Variants in ABTB3 observed in about 807,000 individuals in gnomAD.
The protein encoded by ABTB3 is ankyrin repeat and BTB domain containing 3.
chr12:107,511,104 C>A, the ABTB3 span, among the ~76,000 whole-genome samples: 1 of 152,122 alleles, frequency 6.6e-6, no homozygotes, highest in East Asian at 1.9e-4. Context: ...CCAGGAGAGT[C>A]ATTTTATTAT....
the ABTB3 span, among the ~76,000 whole-genome samples, chr12:107,455,862 G>A: frequency 2.6e-5 from 4 of 152,090 alleles, no homozygotes; most frequent in Non-Finnish European, 4.4e-5. Flanking sequence ...AGGCCTATTC[G>A]CATGGCCATG....
the ABTB3 span, among the ~76,000 whole-genome samples, chr12:107,361,039 C>G: frequency 2.9e-4 from 42 of 143,484 alleles, no homozygotes; most frequent in Non-Finnish European, 1.0e-4. Flanking sequence ...CCCAAAGCAG[C>G]ACTTTAGGAG....
chr12:107,407,500 G>T, the ABTB3 span, among the ~76,000 whole-genome samples: 1 of 152,184 alleles, frequency 6.6e-6, no homozygotes. Context: ...CAGCTACCAG[G>T]GGACACGCTT....
At chr12:107,451,190 T>C in the ABTB3 span, among the ~76,000 whole-genome samples, 4 of 152,052 alleles carry the variant, frequency 2.6e-5, no homozygotes, top group Non-Finnish European at 5.9e-5. Context: ...AGAGGATGGA[T>C]TTTCTTACTC....
the ABTB3 span, among the ~76,000 whole-genome samples, chr12:107,390,130 C>G: frequency 6.6e-6 from 1 of 152,106 alleles, no homozygotes; most frequent in African/African-American, 2.4e-5. Flanking sequence ...GAGGGGTGGT[C>G]CATTTGGGAC....
At chr12:107,368,175 G>T in the ABTB3 span, among the ~76,000 whole-genome samples, 1 of 152,138 alleles carries the variant, frequency 6.6e-6, no homozygotes, top group African/African-American at 2.4e-5. Context: ...TATCCATCCC[G>T]TTAATAAGAG....
At chr12:107,500,736 C>T in the ABTB3 span, among the ~76,000 whole-genome samples, 2 of 152,142 alleles carry the variant, frequency 1.3e-5, no homozygotes, top group African/African-American at 4.8e-5. Context: ...CTGCAGGCAA[C>T]AAGCAGACCC....
the ABTB3 span, chr12:107,319,969 G>T: frequency 1.3e-6 from 2 of 1,580,214 alleles, no homozygotes; most frequent in Non-Finnish European, 1.7e-6. Flanking sequence ...TCCACGAGGC[G>T]CCCAAGTTCA....
At chr12:107,361,439 C>G in the ABTB3 span, among the ~76,000 whole-genome samples, 48 of 152,288 alleles carry the variant, frequency 3.2e-4, no homozygotes, top group African/African-American at 1.2e-3. Flanking sequence ...TTCTGTAATA[C>G]TGGACATTTA....
chr12:107,475,376 A>C, the ABTB3 span, among the ~76,000 whole-genome samples: 1 of 152,244 alleles, frequency 6.6e-6, no homozygotes, highest in Non-Finnish European at 1.5e-5. Flanking sequence ...GAGATGCTGC[A>C]CACAGCTCAG....
At chr12:107,388,825 G>A in the ABTB3 span, among the ~76,000 whole-genome samples, 1 of 152,234 alleles carries the variant, frequency 6.6e-6, no homozygotes, top group African/African-American at 2.4e-5. Context: ...GCTCAAAGAC[G>A]AATAATGAAC....
the ABTB3 span, among the ~76,000 whole-genome samples, chr12:107,354,494 T>C: frequency 6.6e-6 from 1 of 152,234 alleles, no homozygotes; most frequent in Non-Finnish European, 1.5e-5. Context: ...AATGGAATCA[T>C]ATAATAGCTG....
At chr12:107,342,414 T>C in the ABTB3 span, among the ~76,000 whole-genome samples, 2 of 152,076 alleles carry the variant, frequency 1.3e-5, no homozygotes, top group Non-Finnish European at 2.9e-5. Flanking sequence ...AGGACCATGG[T>C]GATGCTGTTG....
the ABTB3 span, among the ~76,000 whole-genome samples, chr12:107,495,549 G>T: frequency 6.6e-6 from 1 of 152,226 alleles, no homozygotes; most frequent in African/African-American, 2.4e-5. Context: ...GGCCAGAAGG[G>T]CATCAGAGAG....
chr12:107,361,055 C>G, the ABTB3 span, among the ~76,000 whole-genome samples: 1 of 146,908 alleles, frequency 6.8e-6, no homozygotes, highest in African/African-American at 2.5e-5. Flanking sequence ...AGGAGTAGCC[C>G]CTGGGATTAC....
chr12:107,327,194 C>G, the ABTB3 span, among the ~76,000 whole-genome samples: 1 of 152,182 alleles, frequency 6.6e-6, no homozygotes, highest in Non-Finnish European at 1.5e-5. Context: ...GTAAGACTTT[C>G]ATCTATGATG....
chr12:107,330,308 A>C, the ABTB3 span, among the ~76,000 whole-genome samples: 104 of 152,264 alleles, frequency 6.8e-4, no homozygotes, highest in Middle Eastern at 6.8e-3. Flanking sequence ...TTCTAAAAAG[A>C]TCATGTTGGC....
the ABTB3 span, among the ~76,000 whole-genome samples, chr12:107,366,995 G>C: frequency 6.6e-6 from 1 of 152,168 alleles, no homozygotes; most frequent in Non-Finnish European, 1.5e-5. Context: ...TTTGTCCTTT[G>C]CTGAGAACCT....
chr12:107,328,459 A>T, the ABTB3 span, among the ~76,000 whole-genome samples: 1 of 152,238 alleles, frequency 6.6e-6, no homozygotes, highest in Admixed American at 6.5e-5. Context: ...GAATGGATGC[A>T]AAGATAAAAT....
Sources: gnomAD v4.1 joint callset for allele counts (sites outside exome capture counted in the v4.1 genomes callset) on GRCh38, gnomAD v4.1.1 for gene constraint, MANE v1.5 for transcripts, NCBI Gene and HGNC (gene_info 2026-07-23, HGNC 2026-07-21) for gene names.